Variants in RSPO2 observed in about 807,000 individuals in gnomAD.
RSPO2 encodes the protein R-spondin-2.
In RSPO2, 14 loss-of-function variants were observed where a neutral mutation model predicts 30.9. That is an observed-to-expected ratio of 0.45 (90% CI 0.30 to 0.71). The LOEUF is 0.71. Ranked by LOEUF, RSPO2 falls within the 30% of genes least tolerant of loss-of-function variation. The pLI, the probability that RSPO2 is intolerant of heterozygous loss-of-function variation, is 0.08. For missense variants in RSPO2, 264 were observed against 301.9 expected, an observed-to-expected ratio of 0.87 and a Z score of 0.93; for synonymous variants, 107 against 96.4, an observed-to-expected ratio of 1.11 and a Z score of -0.64.
intron 5 of RSPO2, among the ~76,000 whole-genome samples, chr8:107,918,227 ACTC>A (rs1438343335): frequency 1.3e-5 from 2 of 152,152 alleles, no homozygotes; most frequent in Non-Finnish European, 2.9e-5. Flanking sequence ...AGTAAAATAT[ACTC>A]CTATGAACAA....
At chr8:107,979,252 T>G (rs1246963162) in intron 3 of RSPO2, among the ~76,000 whole-genome samples, 1 of 152,210 alleles carries the variant, frequency 6.6e-6, no homozygotes, top group Non-Finnish European at 1.5e-5. Flanking sequence ...TGAGGCACTA[T>G]TCACAGTAGC....
chr8:107,987,738 A>T (rs141870225), intron 3 of RSPO2, among the ~76,000 whole-genome samples: 210 of 152,222 alleles, frequency 1.4e-3, no homozygotes, highest in Non-Finnish European at 2.7e-3. Context: ...TTCTTTCTAG[A>T]ATTTATTTAA....
At chr8:107,982,009 CAAAAAAA>C (rs372977834) in intron 3 of RSPO2, among the ~76,000 whole-genome samples, 98 of 55,382 alleles carry the variant, frequency 1.8e-3, no homozygotes, top group Middle Eastern at 0.015. Flanking sequence ...ACAACAACAA[CAAAAAAA>C]AAAAAAAAAA....
At chr8:107,908,485 T>TTA (rs546274203) in intron 5 of RSPO2, among the ~76,000 whole-genome samples, 2 of 152,324 alleles carry the variant, frequency 1.3e-5, no homozygotes, top group African/African-American at 4.8e-5. Context: ...ACGACTCTAC[T>TTA]ATTTGTGTGA....
At chr8:108,003,699 C>T (rs976716910) in intron 2 of RSPO2, among the ~76,000 whole-genome samples, 4 of 152,004 alleles carry the variant, frequency 2.6e-5, no homozygotes, top group African/African-American at 9.7e-5. Context: ...CCCCGGGGAA[C>T]ATGCTACAGG....
chr8:107,909,743 A>G (rs1811763459), intron 5 of RSPO2, among the ~76,000 whole-genome samples: 1 of 152,152 alleles, frequency 6.6e-6, no homozygotes, highest in Admixed American at 6.6e-5. Flanking sequence ...CTTCTCTGTA[A>G]CTTAGATTTT....
chr8:108,002,608 T>A (rs11780887), intron 2 of RSPO2, among the ~76,000 whole-genome samples: 26,634 of 152,172 alleles, frequency 0.18, 2,904 homozygotes, highest in Middle Eastern at 0.27. Context: ...GAATAGAAAC[T>A]AGTTGGTCAC....
intron 2 of RSPO2, among the ~76,000 whole-genome samples, chr8:108,039,272 C>A (rs191860697): frequency 6.6e-6 from 1 of 152,126 alleles, no homozygotes; most frequent in Non-Finnish European, 1.5e-5. Context: ...CTTTTACTTG[C>A]AGCAATTCCT....
At position 107,983,105 on chromosome 8, in the gene RSPO2, A is replaced by G. The variant is rs1586600395; in HGVS notation, c.283+5951T>C. On this transcript the variant is annotated intron_variant, in intron 3 of 5. Transcript: ENST00000276659. ...ACTCCCCTTCCTAAGGCCGCCGCTTACCCCAGGGTCTATGGAAGTAATGAA... is the reference window on the plus strand; with the variant it reads ...ACTCCCCTTCCTAAGGCCGCCGCTTGCCCCAGGGTCTATGGAAGTAATGAA... The G allele has an allele frequency of 5.0e-6, 7 of 1,406,888 alleles. No homozygotes were observed. The East Asian group carries it at 1.6e-4, about 32-fold the overall frequency. The allele number at this position is 1,406,888 out of a possible 1,614,324, so 87.2% of individuals were successfully genotyped here.
At chr8:107,925,111 T>C (rs1223803654) in intron 5 of RSPO2, among the ~76,000 whole-genome samples, 1 of 151,996 alleles carries the variant, frequency 6.6e-6, no homozygotes, top group African/African-American at 2.4e-5. Context: ...TTGAATGAAT[T>C]CAGAGTGATA....
chr8:108,069,548 C>T (rs949320542), intron 2 of RSPO2, among the ~76,000 whole-genome samples: 4 of 152,180 alleles, frequency 2.6e-5, no homozygotes, highest in African/African-American at 9.7e-5. Context: ...CTACATGTTT[C>T]TGATTAAGAT....
At position 107,955,684 on chromosome 8, in the gene RSPO2, T is replaced by C. The variant is rs1377486764; in HGVS notation, c.616+2396A>G. 5.3e-5 allele frequency among the ~76,000 whole-genome samples: 8 copies of C among 152,210 alleles called. No homozygotes were observed. The East Asian group carries it at 1.5e-3, about 29-fold the overall frequency. ...TTTATGTTTTCATATTTAATAGTTTTCAGTGTAATATCTTATATGCATAGT... is the reference window on the plus strand; with the variant it reads ...TTTATGTTTTCATATTTAATAGTTTCCAGTGTAATATCTTATATGCATAGT... On this transcript the variant is annotated intron_variant, in intron 5 of 5. Transcript: ENST00000276659.
At chr8:107,981,781 G>C (rs1005784828) in intron 3 of RSPO2, among the ~76,000 whole-genome samples, 2 of 151,960 alleles carry the variant, frequency 1.3e-5, no homozygotes, top group African/African-American at 4.8e-5. Flanking sequence ...GATTGTTTCA[G>C]GCCAGGAGTT....
intron 2 of RSPO2, among the ~76,000 whole-genome samples, chr8:108,002,875 T>A (rs1815296498): frequency 6.6e-6 from 1 of 152,014 alleles, no homozygotes; most frequent in African/African-American, 2.4e-5. Flanking sequence ...ATTGCCTTAA[T>A]AAAAAGCATA....
intron 5 of RSPO2, among the ~76,000 whole-genome samples, chr8:107,939,190 C>T (rs1354975861): frequency 6.6e-6 from 1 of 151,880 alleles, no homozygotes; most frequent in African/African-American, 2.4e-5. Context: ...ATTATTGAGT[C>T]ATATGGCCAC....
chr8:108,020,977 G>A (rs1419372885), intron 2 of RSPO2, among the ~76,000 whole-genome samples: 2 of 152,164 alleles, frequency 1.3e-5, no homozygotes, highest in Non-Finnish European at 2.9e-5. Flanking sequence ...ATTTGCTACT[G>A]TGCAAGAAAC....
chr8:107,944,914 A>T (rs1197195457), intron 5 of RSPO2, among the ~76,000 whole-genome samples: 1 of 152,070 alleles, frequency 6.6e-6, no homozygotes. Context: ...CCAGATATCT[A>T]CCTGCCAGGC....
rs1811375737 is a variant in RSPO2, at chr8:107,899,595, A to G, written c.*1480T>C. ...AGATGCTTTTGAATCAAAAGTTAAA[A>G]ACACTGAAGAGGTAGTTTTGCCAAT... On this transcript the variant is annotated 3_prime_UTR_variant, in exon 6 of 6. Transcript: ENST00000276659. The G allele has an allele frequency of 6.6e-6, 1 of 152,588 alleles. No homozygotes were observed. Among genetic ancestry groups the G allele is most frequent in the Non-Finnish European group, 1.5e-5 (1 of 68,028 alleles). 9.5% of individuals were successfully genotyped at this position (152,588 alleles called of 1,614,324 possible). A position where few individuals can be genotyped will look rare whatever the true frequency, so the allele number is the denominator to read the frequency against.
At chr8:107,946,427 G>A (rs1345669388) in intron 5 of RSPO2, among the ~76,000 whole-genome samples, 1 of 152,196 alleles carries the variant, frequency 6.6e-6, no homozygotes, top group Non-Finnish European at 1.5e-5. Flanking sequence ...GTTTTGCAAA[G>A]ACAGTTACAG....
Sources: allele counts gnomAD v4.1 joint callset (sites outside exome capture counted in the v4.1 genomes callset), GRCh38; gene constraint gnomAD v4.1.1; transcripts MANE v1.5; gene names NCBI Gene and HGNC (gene_info 2026-07-23, HGNC 2026-07-21).